Variants in CCNT1 observed in about 807,000 individuals in gnomAD.
The protein encoded by CCNT1 is cyclin T1, also known as cyclin-T1.
CCNT1 carries 18 observed loss-of-function variants against 67.3 expected under a neutral mutation model. That is an observed-to-expected ratio of 0.27 (90% CI 0.18 to 0.40). CCNT1 has a LOEUF of 0.40. CCNT1 is among the 10% of genes least tolerant of loss of function. CCNT1 has a pLI of 1.00. For synonymous variants in CCNT1, 333 were observed against 310.3 expected (o/e 1.07, Z -0.77); for missense variants, 744 against 884.9 (o/e 0.84, Z 2.02).
intron 6 of CCNT1, 115 bp from the exon 7 acceptor site, chr12:48,696,277 TAGAC>T (rs934842889): frequency 3.6e-5 from 21 of 581,230 alleles, no homozygotes; most frequent in South Asian, 1.5e-4. Flanking sequence ...GGCTTAAAAA[TAGAC>T]AGGAGAGTAA....
At chr12:48,699,318 T>A (rs1240818613) in intron 5 of CCNT1, among the ~76,000 whole-genome samples, 1 of 152,210 alleles carries the variant, frequency 6.6e-6, no homozygotes, top group Admixed American at 6.5e-5. Flanking sequence ...AGTGTTCAGA[T>A]ATTCTTGATA....
rs370082866 is a variant in CCNT1, at chr12:48,705,764, C to T, written c.372+4G>A. 7 of 1,603,810 alleles carry T rather than the reference C, an allele frequency of 4.4e-6. No homozygotes were observed. The highest frequency in any genetic ancestry group is 2.3e-5 in the South Asian group (2 of 88,524). ...GAAAAACAGATGTGTAATTAATCTC[C>T]TACCTCACTTCTAGTATCAGGAAGG... On this transcript the variant is annotated splice_donor_region_variant and intron_variant, in intron 3 of 8. Coordinates refer to ENST00000261900, the MANE Select transcript of CCNT1 (RefSeq NM_001240.4).
intron 1 of CCNT1, among the ~76,000 whole-genome samples, chr12:48,715,674 G>C (rs867903330): frequency 9.2e-5 from 14 of 152,148 alleles, no homozygotes; most frequent in Middle Eastern, 3.4e-3. Flanking sequence ...TGTTGGCCAG[G>C]CTGGTCTCGA....
chr12:48,699,170 T>C (rs1413740664), intron 5 of CCNT1, among the ~76,000 whole-genome samples: 1 of 152,152 alleles, frequency 6.6e-6, no homozygotes. Context: ...TTGTGCAATA[T>C]AACATTTTAA....
At chr12:48,709,886 G>A (rs2137241782) in intron 2 of CCNT1, among the ~76,000 whole-genome samples, 1 of 151,052 alleles carries the variant, frequency 6.6e-6, no homozygotes, top group South Asian at 2.1e-4. Flanking sequence ...AATATCTTTG[G>A]GTTTCTTCAT....
Position 48,691,626 on chromosome 12 carries a change from A to G in CCNT1, c.*1407T>C, listed in dbSNP as rs1446344834. ...AACAGGACTCTTGACCTATTTTTAT[A>G]AAGGACTTAGAAATCTTAAGAACCT... On this transcript the variant is annotated 3_prime_UTR_variant, in exon 9 of 9. Transcript: ENST00000261900. The G allele has an allele frequency of 6.6e-6, 1 of 152,202 alleles. No homozygotes were observed. The highest frequency in any genetic ancestry group is 1.5e-5 in the Non-Finnish European group (1 of 68,028). The allele number at this position is 152,202 out of a possible 1,614,324, so 9.4% of individuals were successfully genotyped here.
At chr12:48,711,671 T>C (rs1289561683) in intron 2 of CCNT1, among the ~76,000 whole-genome samples, 2 of 152,110 alleles carry the variant, frequency 1.3e-5, no homozygotes, top group African/African-American at 2.4e-5. Context: ...CAGGCTTCTC[T>C]CTCTTTTAAT....
chr12:48,699,873 T>C (rs1940236134), intron 4 of CCNT1, 33 bp from the exon 5 acceptor site: 1 of 1,335,630 alleles, frequency 7.5e-7, no homozygotes, highest in South Asian at 1.2e-5. Context: ...TAAAAAACTA[T>C]TAAGAAGTTT....
At chr12:48,696,281 CAGG>C (rs1940167563) in intron 6 of CCNT1, 119 bp from the exon 7 acceptor site, 1 of 587,614 alleles carries the variant, frequency 1.7e-6, no homozygotes, top group Non-Finnish European at 2.6e-6. Context: ...TAAAAATAGA[CAGG>C]AGAGTAAGAA....
Position 48,694,029 on chromosome 12 carries a change from C to G in CCNT1, c.1185G>C (p.Lys395Asn). ...TCTGGGCAGCCAATTCTTCTGCATG[C>G]TTCGCGCGGTATTCTTTCAGTGACA... ...AKVSLKEYRA[K>N]HAEELAAQKR... is the part of the protein sequence containing the mutation. Residue 395 changes from lysine (K) to asparagine (N), a missense_variant, in exon 9 of 9, where the codon AAG (lysine) becomes AAC (asparagine). Physicochemically the swap from Lys to Asn is moderately conservative, Grantham distance 94 (BLOSUM62 0). Transcript: ENST00000261900. 1 of 1,614,206 alleles carries G rather than the reference C, an allele frequency of 6.2e-7. No homozygotes were observed. The highest frequency in any genetic ancestry group is 8.5e-7 in the Non-Finnish European group (1 of 1,180,028).
In CCNT1 at chr12:48,693,812, C is replaced by T; in HGVS notation, c.1402G>A (p.Gly468Ser). ...TTTGAAGACGCAGCTTTATCTCCAC[C>T]TGCCACTGGGATTCTCATTTTGAGA... ...TALKMRIPVA[G>S]GDKAASSKPE... The change falls in exon 9 of 9, where the codon GGT becomes AGT. Residue 468 changes from glycine (G) to serine (S), a missense_variant. By Grantham distance (56) the Gly-to-Ser change is moderately conservative (BLOSUM62 0). This residue lies in a region of CCNT1 where 564 missense variants were observed against 574.2 expected (regional missense o/e 0.98). Coordinates refer to ENST00000261900, the MANE Select transcript of CCNT1 (RefSeq NM_001240.4). 3 of 1,614,192 alleles carry T rather than the reference C, an allele frequency of 1.9e-6. No individual in the cohort carries two copies. Among genetic ancestry groups the T allele is most frequent in the Non-Finnish European group, 2.5e-6 (3 of 1,180,048 alleles).
At position 48,693,792 on chromosome 12, in the gene CCNT1, A is replaced by G. The variant is rs780374398; in HGVS notation, c.1422T>C (p.Ser474=). ...IPVAGGDKAA[S]SKPEEIKMRI... ...GCATTTTTATCTCCTCTGGTTTTGA[A>G]GACGCAGCTTTATCTCCACCTGCCA... is the stretch of plus-strand genomic sequence containing the variant. The change falls in exon 9 of 9, where the codon TCT becomes TCC. Residue 474 remains serine, a synonymous_variant. Coordinates refer to ENST00000261900, the MANE Select transcript of CCNT1 (RefSeq NM_001240.4). 9 of 1,614,052 alleles carry G rather than the reference A, an allele frequency of 5.6e-6. No homozygotes were observed. The highest frequency in any genetic ancestry group is 4.2e-6 in the Non-Finnish European group (5 of 1,179,976).
At chr12:48,710,735 G>A (rs1324741226) in intron 2 of CCNT1, among the ~76,000 whole-genome samples, 2 of 152,180 alleles carry the variant, frequency 1.3e-5, no homozygotes, top group Non-Finnish European at 2.9e-5. Context: ...ACAGAAAAGG[G>A]AATCTCTGTC....
chr12:48,700,556 T>G (rs1304718948), intron 4 of CCNT1, among the ~76,000 whole-genome samples: 1 of 152,174 alleles, frequency 6.6e-6, no homozygotes. Flanking sequence ...GCCTGTGTGA[T>G]GAAAATAACA....
chr12:48,710,752 A>G (rs1365306074), intron 2 of CCNT1, among the ~76,000 whole-genome samples: 10 of 152,242 alleles, frequency 6.6e-5, no homozygotes, highest in Admixed American at 6.5e-4. Context: ...TGTCCTTGTT[A>G]AGCTTAACAG....
chr12:48,701,195 G>T (rs1308323338), intron 3 of CCNT1, 122 bp from the exon 4 acceptor site: 15 of 325,476 alleles, frequency 4.6e-5, no homozygotes, highest in Non-Finnish European at 8.7e-5. Flanking sequence ...TTAGGAGGTA[G>T]AGTTAAGAAC....
chr12:48,710,955 G>C, intron 2 of CCNT1, among the ~76,000 whole-genome samples: 1 of 151,946 alleles, frequency 6.6e-6, no homozygotes, highest in Non-Finnish European at 1.5e-5. Context: ...CAGCTACTCG[G>C]GAGGCTGAGA....
intron 5 of CCNT1, 53 bp downstream of exon 5, chr12:48,699,725 C>A (rs1940233687): frequency 7.7e-7 from 1 of 1,300,294 alleles, no homozygotes; most frequent in Non-Finnish European, 1.1e-6. Context: ...CAAACCACAA[C>A]CTCTAAATGG....
At chr12:48,706,547 T>C (rs571324769) in intron 2 of CCNT1, among the ~76,000 whole-genome samples, 1 of 152,086 alleles carries the variant, frequency 6.6e-6, no homozygotes, top group Non-Finnish European at 1.5e-5. Flanking sequence ...GAGGGAAAAA[T>C]TGAAGTCAAT....
Sources: gnomAD v4.1 joint callset for allele counts (sites outside exome capture counted in the v4.1 genomes callset) on GRCh38, gnomAD v4.1.1 for gene constraint, gnomAD v4.1.1 regional missense constraint, MANE v1.5 for transcripts, NCBI Gene and HGNC (gene_info 2026-07-23, HGNC 2026-07-21) for gene names.